TBC1D22A: variants seen among roughly 807,000 people sequenced by gnomAD.
TBC1D22A encodes the protein putative GTPase activator.
A neutral mutation model predicts 60.2 loss-of-function variants in TBC1D22A; 38 were observed. The observed-to-expected ratio is 0.63, with a 90% CI of 0.49 to 0.83. TBC1D22A has a LOEUF of 0.83. TBC1D22A is among the 40% of genes least tolerant of loss of function. The pLI is 0.00. For synonymous variants in TBC1D22A, 302 were observed against 281.7 expected (o/e 1.07, Z -0.72); for missense variants, 628 against 701.0 (o/e 0.90, Z 1.18).
chr22:47,004,600 C>G (rs1197157047), intron 10 of TBC1D22A, among the ~76,000 whole-genome samples: 1 of 151,244 alleles, frequency 6.6e-6, no homozygotes, highest in Non-Finnish European at 1.5e-5. Flanking sequence ...ACAGATACCC[C>G]TCATGCATAC....
At chr22:46,897,060 C>T (rs2068715177) in intron 7 of TBC1D22A, among the ~76,000 whole-genome samples, 1 of 152,118 alleles carries the variant, frequency 6.6e-6, no homozygotes, top group Non-Finnish European at 1.5e-5. Flanking sequence ...TTTTGAATTT[C>T]CCCTATGAAG....
In TBC1D22A at chr22:46,916,539, G is replaced by A. The variant is rs186942063; in HGVS notation, c.1015+4351G>A. On this transcript the variant is annotated intron_variant, in intron 8 of 12. Coordinates refer to ENST00000337137, the MANE Select transcript of TBC1D22A (RefSeq NM_014346.5). The stretch of plus-strand genomic sequence containing the variant: ...ACACACATGCTGTGCACACAGGCGT[G>A]CAGGCACGTGCACGCGGACATACAT... 1.6e-3 allele frequency among the ~76,000 whole-genome samples: 237 copies of A among 152,340 alleles called. 1 individual carries two copies. Among genetic ancestry groups the A allele is most frequent in the Middle Eastern group, 0.01 (3 of 294 alleles).
intron 11 of TBC1D22A, among the ~76,000 whole-genome samples, chr22:47,062,017 G>A (rs768507470): frequency 1.2e-4 from 17 of 147,632 alleles, no homozygotes; most frequent in Middle Eastern, 3.6e-3. Flanking sequence ...GAACCTGGGA[G>A]GCAGAGGTTG....
chr22:47,115,349 C>T (rs888174275), intron 12 of TBC1D22A, among the ~76,000 whole-genome samples: 1 of 151,080 alleles, frequency 6.6e-6, no homozygotes, highest in Non-Finnish European at 1.5e-5. Context: ...TAATGCCCCC[C>T]ACCACCCCAC....
intron 10 of TBC1D22A, among the ~76,000 whole-genome samples, chr22:47,015,964 C>A: frequency 6.6e-6 from 1 of 152,198 alleles, no homozygotes; most frequent in South Asian, 2.1e-4. Flanking sequence ...AGCCCCCTAC[C>A]TGGTCTCCTT....
intron 4 of TBC1D22A, among the ~76,000 whole-genome samples, chr22:46,834,630 A>G (rs1569106794): frequency 6.6e-6 from 1 of 152,220 alleles, no homozygotes. Context: ...GTTTGGGAGC[A>G]ACTAAGAGCA....
At chr22:46,811,058 C>G (rs772748263) in intron 4 of TBC1D22A, among the ~76,000 whole-genome samples, 23 of 152,328 alleles carry the variant, frequency 1.5e-4, no homozygotes, top group Non-Finnish European at 3.2e-4. Flanking sequence ...AGCCTAATTA[C>G]CAAGTACCCT....
chr22:47,171,623 T>A (rs2147236751), intron 12 of TBC1D22A, among the ~76,000 whole-genome samples: 1 of 152,320 alleles, frequency 6.6e-6, no homozygotes, highest in Admixed American at 6.5e-5. Context: ...CCCTCTCTGA[T>A]CCCTACTTCT....
At chr22:46,789,072 A>G (rs1699737762) in intron 1 of TBC1D22A, 1 of 163,470 alleles carries the variant, frequency 6.1e-6, no homozygotes, top group South Asian at 1.2e-4. Flanking sequence ...ACCTTCTGCC[A>G]GCCACTTTTC....
At position 47,173,573 on chromosome 22, in the gene TBC1D22A, G is replaced by C; in HGVS notation, c.1501G>C (p.Ala501Pro). Residue 501 changes from alanine (A) to proline (P), a missense_variant, in exon 13 of 13, where the codon GCC becomes CCC. Ala to Pro is a conservative substitution (Grantham distance 27). Transcript: ENST00000337137. ...GGACATCAGCCTGTTGCTGGCCGAG[G>C]CCTACCGCCTCAAGTTTGCTTTTGC... ...DEDISLLLAEAYRLKFAFADA... is the reference protein window; with the variant it reads ...DEDISLLLAEPYRLKFAFADA... The C allele has an allele frequency of 3.1e-6, 5 of 1,614,150 alleles. No homozygotes were observed. Among genetic ancestry groups the C allele is most frequent in the Non-Finnish European group, 4.2e-6 (5 of 1,180,028 alleles).
At chr22:46,902,970 G>GT (rs2069114462) in intron 7 of TBC1D22A, among the ~76,000 whole-genome samples, 1 of 151,814 alleles carries the variant, frequency 6.6e-6, no homozygotes, top group Non-Finnish European at 1.5e-5. Context: ...AATTGGAGAA[G>GT]ACAGCCCGAG....
chr22:47,119,023 C>T (rs2066175024), intron 12 of TBC1D22A, among the ~76,000 whole-genome samples: 1 of 152,140 alleles, frequency 6.6e-6, no homozygotes, highest in South Asian at 2.1e-4. Flanking sequence ...GTGGCGCATG[C>T]CTGTAATCCC....
chr22:47,078,633 C>T (rs1446659545), intron 11 of TBC1D22A, among the ~76,000 whole-genome samples: 1 of 152,230 alleles, frequency 6.6e-6, no homozygotes, highest in Non-Finnish European at 1.5e-5. Flanking sequence ...GTGATTCTTA[C>T]CATCGAGGTT....
rs1344024389 is a variant in TBC1D22A, at chr22:47,028,862, C to T, written c.1202-8209C>T. ...TTTGTCCCCAAATGTGGGACACCAC[C>T]GCACGATCCTGACACTAACATCCCA... On this transcript the variant is annotated intron_variant, in intron 10 of 12. Coordinates refer to ENST00000337137, the MANE Select transcript of TBC1D22A (RefSeq NM_014346.5). The surrounding 1 kb of genome is among the most constrained non-coding windows in gnomAD (Gnocchi z 4.4). Among the ~76,000 whole-genome samples the T allele has an allele frequency of 1.3e-5, 2 of 152,162 alleles. No homozygotes were observed. The highest frequency in any genetic ancestry group is 6.5e-5 in the Admixed American group (1 of 15,284).
chr22:47,147,479 C>T (rs911478343), intron 12 of TBC1D22A, among the ~76,000 whole-genome samples: 3 of 152,260 alleles, frequency 2.0e-5, no homozygotes, highest in South Asian at 2.1e-4. Context: ...CAGGGGGCTG[C>T]GGTCCTCCAA....
chr22:46,891,047 C>T (rs2068374217), intron 5 of TBC1D22A, among the ~76,000 whole-genome samples: 1 of 152,120 alleles, frequency 6.6e-6, no homozygotes, highest in Non-Finnish European at 1.5e-5. Context: ...AAGCCCAGGC[C>T]CCTTCCTGAG....
At chr22:47,159,147 C>T (rs1867021536) in intron 12 of TBC1D22A, among the ~76,000 whole-genome samples, 1 of 151,206 alleles carries the variant, frequency 6.6e-6, no homozygotes, top group African/African-American at 2.4e-5. Context: ...TGTGTACACA[C>T]ATCACACACA....
chr22:46,793,743 AGCAGAAGCCCAGGCCCGAG>A lies in TBC1D22A; in HGVS notation c.368_386del (p.Lys123SerfsTer13). On this transcript the variant is annotated frameshift_variant, in exon 3 of 13. Transcript: ENST00000337137. LOFTEE classifies it high-confidence loss of function. ...ACGCTGCAGGAGGGGCCAGGGCTTCAGCAGAAGCCCAGGCCCGAGGCAGAGCCGCCCTCACCCCCCAGCG... is the reference window on the plus strand; with the variant it reads ...ACGCTGCAGGAGGGGCCAGGGCTTCAGCAGAGCCGCCCTCACCCCCCAGCG... The A allele has an allele frequency of 6.2e-7, 1 of 1,605,326 alleles. No homozygotes were observed. Among genetic ancestry groups the A allele is most frequent in the Non-Finnish European group, 8.5e-7 (1 of 1,177,558 alleles).
At chr22:47,071,326 A>G (rs558566547) in intron 11 of TBC1D22A, among the ~76,000 whole-genome samples, 4 of 152,344 alleles carry the variant, frequency 2.6e-5, no homozygotes, top group African/African-American at 7.2e-5. Flanking sequence ...TGGCCAAGGA[A>G]AAGAGGTTTT....
Sources: gnomAD v4.1 joint callset for allele counts (sites outside exome capture counted in the v4.1 genomes callset) on GRCh38, gnomAD v4.1.1 for gene constraint, Gnocchi (gnomAD v3.1) non-coding constraint, MANE v1.5 for transcripts, NCBI Gene and HGNC (gene_info 2026-07-23, HGNC 2026-07-21) for gene names.